The following CHD8 variants were observed in gnomAD, a reference collection of about 807,000 sequenced individuals.
CHD8 encodes the protein chromodomain helicase DNA binding protein 8.
Under a neutral mutation model 279.2 loss-of-function variants are expected in CHD8, and 31 were observed. The ratio of observed to expected loss-of-function variants is 0.11; its 90% CI spans 0.08 to 0.15. CHD8 has a LOEUF of 0.15. CHD8 is among the 10% of genes least tolerant of loss of function. The pLI is 1.00. For synonymous variants in CHD8, 1,081 were observed against 1,139.6 expected, an observed-to-expected ratio of 0.95 and a Z score of 1.04; for missense variants, 2,146 against 3,230.5, an observed-to-expected ratio of 0.66 and a Z score of 8.14.
At chr14:21,411,685 G>T (rs1344183890) in intron 10 of CHD8, among the ~76,000 whole-genome samples, 1 of 152,142 alleles carries the variant, frequency 6.6e-6, no homozygotes, top group Admixed American at 6.5e-5. Context: ...AGAAAATGAT[G>T]GTTTATAGCC....
chr14:21,443,585 T>C (rs1890038729), intron 1 of CHD8, among the ~76,000 whole-genome samples: 1 of 151,862 alleles, frequency 6.6e-6, no homozygotes, highest in Non-Finnish European at 1.5e-5. Flanking sequence ...CTGGGCGCTG[T>C]GGCTCACACC....
chr14:21,395,398 G>A, intron 28 of CHD8, 46 bp from the exon 29 acceptor site: 1 of 1,420,436 alleles, frequency 7.0e-7, no homozygotes, highest in South Asian at 1.2e-5. Flanking sequence ...GGAGGGAAAG[G>A]GGGGGAAGTT....
In CHD8 at chr14:21,426,281, AAGAAAATTT is replaced by A. The variant is rs1178829749; in HGVS notation, c.1602-48_1602-40del. 4.6e-6 allele frequency: 5 copies of A among 1,092,652 alleles called. No homozygotes were observed. The African/African-American group carries it at 7.9e-5, about 17-fold the overall frequency. 67.7% of individuals were successfully genotyped at this position (1,092,652 alleles called of 1,614,324 possible). ...ACCAAATTCATTTTCAGTGAAAGCA[AAGAAAATTT>A]AGGAGTAAAAAAACATAATTAATCT... On this transcript the variant is annotated intron_variant, in intron 4 of 37. Coordinates refer to ENST00000646647, the MANE Select transcript of CHD8 (RefSeq NM_001170629.2).
intron 28 of CHD8, 145 bp from the exon 29 acceptor site, chr14:21,395,497 CT>C: frequency 1.6e-6 from 1 of 626,576 alleles, no homozygotes. Context: ...CCCACAAAAA[CT>C]TGGAAACAAT....
chr14:21,408,923 ATTGT>A lies in CHD8; in HGVS notation c.2365-102_2365-99del, dbSNP rs746171088. The A allele has an allele frequency of 6.7e-6, 8 of 1,202,318 alleles. No homozygotes were observed. The highest frequency in any genetic ancestry group is 2.5e-5 in the East Asian group (1 of 39,404). 74.5% of individuals were successfully genotyped at this position (1,202,318 alleles called of 1,614,324 possible). A position where few individuals can be genotyped will look rare whatever the true frequency, so the allele number is the denominator to read the frequency against. ...ATAGTTAAAATCAATTCAAAACAACATTGTTTGGATTAAAACATGTCAAATATAT... is the reference window on the plus strand; with the variant it reads ...ATAGTTAAAATCAATTCAAAACAACATTGGATTAAAACATGTCAAATATAT... On this transcript the variant is annotated intron_variant, in intron 11 of 37. Coordinates refer to ENST00000646647, the MANE Select transcript of CHD8 (RefSeq NM_001170629.2). This position sits in a 1 kb window ranked among gnomAD's most constrained non-coding sequence, Gnocchi z 4.3.
At chr14:21,410,033 C>T in intron 10 of CHD8, 45 bp from the exon 11 acceptor site, 4 of 1,548,694 alleles carry the variant, frequency 2.6e-6, no homozygotes, top group Non-Finnish European at 2.6e-6. Context: ...ATTCTGTGTT[C>T]TCTGCTCCAG....
At chr14:21,409,240 T>C (rs1247864690) in intron 11 of CHD8, among the ~76,000 whole-genome samples, 4 of 152,214 alleles carry the variant, frequency 2.6e-5, no homozygotes, top group Non-Finnish European at 5.9e-5. Flanking sequence ...TAAGCATTCA[T>C]GTGAAACATA....
chr14:21,441,825 C>T (rs1347002369), intron 1 of CHD8, among the ~76,000 whole-genome samples: 1 of 152,054 alleles, frequency 6.6e-6, no homozygotes, highest in Non-Finnish European at 1.5e-5. Flanking sequence ...GGAGGCGGAG[C>T]TTGCAGTGAG....
intron 34 of CHD8, chr14:21,392,215 C>G: frequency 5.3e-6 from 4 of 754,346 alleles, no homozygotes; most frequent in African/African-American, 3.4e-5. Context: ...AACTCCCTAC[C>G]TGGTGTCTCC....
chr14:21,390,920 G>C, intron 37 of CHD8, 27 bp downstream of exon 37: 1 of 1,107,102 alleles, frequency 9.0e-7, no homozygotes, highest in East Asian at 2.4e-5. Context: ...TGTGGGAATA[G>C]AGTGGTAATG....
chr14:21,386,108 C>A lies in CHD8; in HGVS notation c.7251G>T (p.Lys2417Asn), dbSNP rs1887218094. Residue 2417 changes from lysine (K) to asparagine (N), a missense_variant, in exon 38 of 38, where the codon AAG becomes AAT. By Grantham distance (94) the Lys-to-Asn change is moderately conservative. Coordinates refer to ENST00000646647, the MANE Select transcript of CHD8 (RefSeq NM_001170629.2). ...PGPIAPESSK[K>N]RARRMRPDLS... Reference sequence around the variant, plus strand: ...GGTCTGGTCGCATCCTACGGGCCCGCTTCTTGCTGCTCTCTGGTGCAATAG... The same window carrying A: ...GGTCTGGTCGCATCCTACGGGCCCGATTCTTGCTGCTCTCTGGTGCAATAG... The A allele has an allele frequency of 6.4e-7, 1 of 1,555,484 alleles. No homozygotes were observed. The highest frequency in any genetic ancestry group is 8.7e-7 in the Non-Finnish European group (1 of 1,148,982).
In CHD8 at chr14:21,386,050, T is replaced by C; in HGVS notation, c.7309A>G (p.Ser2437Gly). ...SKMMALMQGG[S>G]TGSLSLHNTF... is the part of the protein sequence containing the mutation. The stretch of plus-strand genomic sequence containing the variant: ...TTATGCAGAGATAGAGACCCAGTGC[T>C]TCCACCCTGCATGAGGGCCATCATC... Residue 2437 changes from serine to glycine, a missense_variant, in exon 38 of 38, where the codon AGC (serine) becomes GGC (glycine). Physicochemically the swap from Ser to Gly is moderately conservative, Grantham distance 56 (BLOSUM62 0). Coordinates refer to ENST00000646647, the MANE Select transcript of CHD8 (RefSeq NM_001170629.2). 1 of 1,593,510 alleles carries C rather than the reference T, an allele frequency of 6.3e-7. No individual in the cohort carries two copies. Among genetic ancestry groups the C allele is most frequent in the Middle Eastern group, 1.7e-4 (1 of 6,040 alleles).
chr14:21,403,333 T>G lies in CHD8; in HGVS notation c.3518+120A>C. The G allele has an allele frequency of 1.6e-6, 2 of 1,266,728 alleles. No homozygotes were observed. The highest frequency in any genetic ancestry group is 2.2e-6 in the Non-Finnish European group (2 of 911,858). 78.5% of individuals were successfully genotyped at this position (1,266,728 alleles called of 1,614,324 possible). ...GCTGGTCAAAAACCCAAGTTGAGAGTGAGAATCTTAAAAACTTCTCTTATT... is the reference window on the plus strand; with the variant it reads ...GCTGGTCAAAAACCCAAGTTGAGAGGGAGAATCTTAAAAACTTCTCTTATT... On this transcript the variant is annotated intron_variant, in intron 17 of 37. Transcript: ENST00000646647. This position sits in a 1 kb window ranked among gnomAD's most constrained non-coding sequence, Gnocchi z 4.3.
Position 21,409,851 on chromosome 14 carries a change from C to G in CHD8, c.2364G>C (p.Val788=). 1 of 1,612,626 alleles carries G rather than the reference C, an allele frequency of 6.2e-7. No homozygotes were observed. Among genetic ancestry groups the G allele is most frequent in the Non-Finnish European group, 8.5e-7 (1 of 1,179,234 alleles). The change falls in exon 11 of 38, where the codon GTG becomes GTC. Residue 788 remains valine, a splice_region_variant and synonymous_variant. Coordinates refer to ENST00000646647, the MANE Select transcript of CHD8 (RefSeq NM_001170629.2). ...IQSRHPELKR[V]NRPQASAWKK... ...TATACTTTAATGCAAATGTACTTAC[C>G]ACCCTTTTGAGTTCTGGGTGCCTTG...
chr14:21,414,456 A>G, intron 8 of CHD8, 38 bp from the exon 9 acceptor site: 1 of 1,121,036 alleles, frequency 8.9e-7, no homozygotes, highest in Non-Finnish European at 1.3e-6. Flanking sequence ...GGTGCAAGTA[A>G]AAGAAGGTGG....
rs1888417193 is a variant in CHD8 at position 21,409,999 on chromosome 14, A to C, written c.2227-11T>G. On this transcript the variant is annotated splice_polypyrimidine_tract_variant and intron_variant, in intron 10 of 37. Transcript: ENST00000646647. ...GTAGTAAATAACGGGCTAGGAGAGA[A>C]GAAACCAAAGCCTTAAGAAACTGAT... 1 of 1,600,290 alleles carries C rather than the reference A, an allele frequency of 6.2e-7. No individual in the cohort carries two copies. The highest frequency in any genetic ancestry group is 1.3e-5 in the African/African-American group (1 of 74,594).
chr14:21,385,684 T>G lies in CHD8; in HGVS notation c.7675A>C (p.Arg2559=). 6.4e-7 allele frequency: 1 copy of G among 1,551,986 alleles called. No individual in the cohort carries two copies. Among genetic ancestry groups the G allele is most frequent in the East Asian group, 2.4e-5 (1 of 40,908 alleles). The change falls in exon 38 of 38, where the codon AGG becomes CGG. Residue 2559 remains arginine (R), a synonymous_variant. Transcript: ENST00000646647. The part of the protein sequence containing the change: ...DLSQGYDSSE[R]DFSLIDDPMM... Reference sequence around the variant, plus strand: ...GGATCATCAATGAGTGAGAAGTCCCTTTCTGAGCTATCATAGCCCTGAGAT... The same window carrying G: ...GGATCATCAATGAGTGAGAAGTCCCGTTCTGAGCTATCATAGCCCTGAGAT...
intron 16 of CHD8, among the ~76,000 whole-genome samples, chr14:21,404,411 A>C (rs950021794): frequency 3.3e-5 from 5 of 151,930 alleles, no homozygotes; most frequent in Admixed American, 2.0e-4. Context: ...AAAAAAAAAA[A>C]AAAAAAAAAC....
Position 21,394,505 on chromosome 14 carries a change from G to T in CHD8, c.5391-20C>A. ...GTCCATCTACAAAAGGAAAAGTAGGGCAACAATAATCAGAAGAACACATCA... is the reference window on the plus strand; with the variant it reads ...GTCCATCTACAAAAGGAAAAGTAGGTCAACAATAATCAGAAGAACACATCA... On this transcript the variant is annotated intron_variant, in intron 30 of 37. Coordinates refer to ENST00000646647, the MANE Select transcript of CHD8 (RefSeq NM_001170629.2). 6.7e-7 allele frequency: 1 copy of T among 1,491,838 alleles called. No homozygotes were observed. The highest frequency in any genetic ancestry group is 9.1e-7 in the Non-Finnish European group (1 of 1,097,768). 92.4% of individuals were successfully genotyped at this position (1,491,838 alleles called of 1,614,324 possible). A position where few individuals can be genotyped will look rare whatever the true frequency, so the allele number is the denominator to read the frequency against.
Sources: allele counts gnomAD v4.1 joint callset (sites outside exome capture counted in the v4.1 genomes callset), GRCh38; gene constraint gnomAD v4.1.1; non-coding constraint Gnocchi (gnomAD v3.1); transcripts MANE v1.5; gene names NCBI Gene and HGNC (gene_info 2026-07-23, HGNC 2026-07-21).